Variants in DTNB observed in about 807,000 individuals in gnomAD.
DTNB encodes dystrobrevin beta.
Under a neutral mutation model 90.7 loss-of-function variants are expected in DTNB, and 63 were observed. The ratio of observed to expected loss-of-function variants is 0.69; its 90% CI spans 0.57 to 0.86. The LOEUF is 0.86. Among genes scored for constraint, DTNB ranks in the 40% least tolerant of loss-of-function variants. The pLI, the probability that DTNB is intolerant of heterozygous loss-of-function variation, is 0.00. For missense variants in DTNB, 744 were observed against 807.1 expected (o/e 0.92, Z 0.95); for synonymous variants, 277 against 286.7 (o/e 0.97, Z 0.34).
chr2:25,433,762 C>A, intron 13 of DTNB, 148 bp downstream of exon 13: 2 of 759,576 alleles, frequency 2.6e-6, no homozygotes, highest in Non-Finnish European at 4.3e-6. Context: ...GCGTCCAGGG[C>A]ATTCCCTGGA....
At chr2:25,560,571 G>A (rs1426517085) in intron 8 of DTNB, among the ~76,000 whole-genome samples, 1 of 151,288 alleles carries the variant, frequency 6.6e-6, no homozygotes, top group African/African-American at 2.4e-5. Context: ...CCCACCATTG[G>A]TTCTCCTGGT....
chr2:25,498,145 CAATAAAACAAA>C (rs1263879771), intron 9 of DTNB, among the ~76,000 whole-genome samples: 4 of 152,054 alleles, frequency 2.6e-5, no homozygotes, highest in Non-Finnish European at 5.9e-5. Context: ...TTTTCTGGCA[CAATAAAACAAA>C]AACAAAACAA....
intron 9 of DTNB, among the ~76,000 whole-genome samples, chr2:25,524,817 C>T (rs1438390099): frequency 6.6e-6 from 1 of 152,192 alleles, no homozygotes; most frequent in Non-Finnish European, 1.5e-5. Flanking sequence ...CAGTCCACAA[C>T]GGACTGGGTG....
At chr2:25,546,641 C>T (rs1003354290) in intron 8 of DTNB, among the ~76,000 whole-genome samples, 1 of 152,224 alleles carries the variant, frequency 6.6e-6, no homozygotes, top group African/African-American at 2.4e-5. Context: ...TGGAACACCA[C>T]AGTGTTAGGT....
chr2:25,637,492 G>T (rs1019109277), intron 3 of DTNB, among the ~76,000 whole-genome samples: 1 of 152,066 alleles, frequency 6.6e-6, no homozygotes, highest in Non-Finnish European at 1.5e-5. Context: ...AATCTACAAA[G>T]AACTTAAACA....
intron 10 of DTNB, among the ~76,000 whole-genome samples, chr2:25,468,716 T>C (rs1475256107): frequency 1.3e-5 from 2 of 152,222 alleles, no homozygotes; most frequent in African/African-American, 4.8e-5. Flanking sequence ...TTGCCTTCTG[T>C]CTTCGGGGCT....
chr2:25,552,961 C>T (rs1266656460), intron 8 of DTNB, among the ~76,000 whole-genome samples: 3 of 149,722 alleles, frequency 2.0e-5, no homozygotes, highest in Non-Finnish European at 3.0e-5. Context: ...CCCGGGTTCA[C>T]GCCATTCTCC....
At chr2:25,627,160 C>A (rs1425381606) in intron 4 of DTNB, among the ~76,000 whole-genome samples, 1 of 152,156 alleles carries the variant, frequency 6.6e-6, no homozygotes, top group Non-Finnish European at 1.5e-5. Context: ...CACCTGTAAT[C>A]CCAGCAGTTT....
chr2:25,455,539 T>C (rs987551254), intron 10 of DTNB, 45 bp from the exon 11 acceptor site: 3 of 1,488,084 alleles, frequency 2.0e-6, no homozygotes, highest in Non-Finnish European at 2.8e-6. Context: ...CACAAACACA[T>C]ACAGAGGGAG....
At chr2:25,570,429 AAAG>A (rs1338183048) in intron 8 of DTNB, among the ~76,000 whole-genome samples, 49 of 149,654 alleles carry the variant, frequency 3.3e-4, no homozygotes, top group African/African-American at 1.0e-3. Context: ...AAAAAAAAAA[AAAG>A]AAGAAAAAAA....
chr2:25,613,794 C>T (rs574994626), intron 4 of DTNB, among the ~76,000 whole-genome samples: 63 of 152,234 alleles, frequency 4.1e-4, no homozygotes, highest in Non-Finnish European at 6.0e-4. Context: ...CTTGTCTCTA[C>T]TAAAAATACA....
intron 10 of DTNB, among the ~76,000 whole-genome samples, chr2:25,478,935 C>T (rs1038109393): frequency 1.3e-5 from 2 of 152,142 alleles, no homozygotes; most frequent in Non-Finnish European, 2.9e-5. Flanking sequence ...AGATGGCACA[C>T]GGAGAGAGGC....
intron 12 of DTNB, among the ~76,000 whole-genome samples, chr2:25,445,897 A>G (rs576492102): frequency 9.0e-4 from 134 of 148,388 alleles, no homozygotes; most frequent in African/African-American, 3.1e-3. Flanking sequence ...TTGGCCACTT[A>G]GCACACCATG....
chr2:25,576,829 A>G lies in DTNB; in HGVS notation c.876+9T>C, dbSNP rs1426040342. ...ACTCAGGGACACAGATGAAACACAA[A>G]GCAGTTACCCAAGAGGAATGCTCCT... On this transcript the variant is annotated intron_variant, in intron 8 of 20. Transcript: ENST00000406818. 1.2e-6 allele frequency: 2 copies of G among 1,608,444 alleles called. No homozygotes were observed. Among genetic ancestry groups the G allele is most frequent in the East Asian group, 2.2e-5 (1 of 44,784 alleles).
At chr2:25,408,538 C>CAAAAAAAAAAAAAAAAAAAAAAAAAA (rs11395783) in intron 16 of DTNB, among the ~76,000 whole-genome samples, 1 of 32,728 alleles carries the variant, frequency 3.1e-5, no homozygotes, top group African/African-American at 9.4e-5. Flanking sequence ...GACTCCATCT[C>CAAAAAAAAAAAAAAAAAAAAAAAAAA]AAAAAAAAAA....
intron 3 of DTNB, among the ~76,000 whole-genome samples, chr2:25,631,063 G>C (rs1489536125): frequency 6.6e-6 from 1 of 152,060 alleles, no homozygotes; most frequent in Non-Finnish European, 1.5e-5. Context: ...AGGGAATGTG[G>C]AGTGACTGTT....
intron 4 of DTNB, among the ~76,000 whole-genome samples, chr2:25,622,018 T>A (rs775361330): frequency 6.6e-6 from 1 of 152,170 alleles, no homozygotes; most frequent in Non-Finnish European, 1.5e-5. Context: ...ACTAGTTTCA[T>A]TAGATACATC....
At chr2:25,541,629 T>C (rs2081281793) in intron 8 of DTNB, among the ~76,000 whole-genome samples, 2 of 152,254 alleles carry the variant, frequency 1.3e-5, no homozygotes, top group South Asian at 4.1e-4. Flanking sequence ...AAAAATGCCC[T>C]TTGCCCCCTC....
At chr2:25,557,472 T>C (rs935649746) in intron 8 of DTNB, among the ~76,000 whole-genome samples, 1 of 152,198 alleles carries the variant, frequency 6.6e-6, no homozygotes, top group Non-Finnish European at 1.5e-5. Flanking sequence ...ACATCACACA[T>C]GGTACAGACA....
Sources: allele counts gnomAD v4.1 joint callset (sites outside exome capture counted in the v4.1 genomes callset), GRCh38; gene constraint gnomAD v4.1.1; transcripts MANE v1.5; gene names NCBI Gene and HGNC (gene_info 2026-07-23, HGNC 2026-07-21).